Variants in DGKG observed in about 807,000 individuals in gnomAD.
DGKG encodes the protein DAG kinase gamma.
In DGKG, 78 loss-of-function variants were observed where a neutral mutation model predicts 105.3. The ratio of observed to expected loss-of-function variants is 0.74; its 90% CI spans 0.62 to 0.89. The LOEUF (loss-of-function observed/expected upper bound fraction) is 0.89, where lower values mean the gene tolerates loss of function less well. Ranked by LOEUF, DGKG falls within the 40% of genes least tolerant of loss-of-function variation. DGKG has a pLI of 0.00. For missense variants in DGKG, 958 were observed against 1,020.1 expected, an observed-to-expected ratio of 0.94 and a Z score of 0.83; for synonymous variants, 346 against 367.1, an observed-to-expected ratio of 0.94 and a Z score of 0.66.
intron 1 of DGKG, among the ~76,000 whole-genome samples, chr3:186,355,266 A>ACCG (rs1726873823): frequency 7.2e-6 from 1 of 138,636 alleles, no homozygotes; most frequent in Non-Finnish European, 1.6e-5. Context: ...CACCAACACC[A>ACCG]CTACCACCAG....
chr3:186,149,911 A>G lies in DGKG; in HGVS notation c.*179T>C. The G allele has an allele frequency of 7.1e-7, 1 of 1,415,108 alleles. No individual in the cohort carries two copies. Among genetic ancestry groups the G allele is most frequent in the Non-Finnish European group, 9.2e-7 (1 of 1,089,922 alleles). The allele number at this position is 1,415,108 out of a possible 1,614,324, so 87.7% of individuals were successfully genotyped here. ...TGTTAGGGGTGTACCCACTGTTGAAACAGAATGTATGGCAAGGTGACGTTT... is the reference window on the plus strand; with the variant it reads ...TGTTAGGGGTGTACCCACTGTTGAAGCAGAATGTATGGCAAGGTGACGTTT... On this transcript the variant is annotated 3_prime_UTR_variant, in exon 25 of 25. Coordinates refer to ENST00000265022, the MANE Select transcript of DGKG (RefSeq NM_001346.3).
Position 186,306,748 on chromosome 3 carries a change from C to T in DGKG, c.144+153G>A, listed in dbSNP as rs113422505. On this transcript the variant is annotated intron_variant, in intron 3 of 24. Coordinates refer to ENST00000265022, the MANE Select transcript of DGKG (RefSeq NM_001346.3). ...GTATGGGCTTGGGAAACATATAATG[C>T]CAGGTAGCACAAATGGCTCACTTGA... 2.0e-3 allele frequency: 1,248 copies of T among 612,926 alleles called. 15 individuals carry two copies. The highest frequency in any genetic ancestry group is 0.02 in the African/African-American group (1,083 of 54,034). The allele number at this position is 612,926 out of a possible 1,614,324, so 38.0% of individuals were successfully genotyped here.
intron 20 of DGKG, among the ~76,000 whole-genome samples, chr3:186,223,011 C>CTATATATA (rs55753193): frequency 0.054 from 4,320 of 80,414 alleles, 555 homozygotes; most frequent in African/African-American, 0.078. Context: ...TGTATGTATA[C>CTATATATA]TATATATATA....
chr3:186,348,043 G>A (rs1284213271), intron 1 of DGKG, among the ~76,000 whole-genome samples: 1 of 152,130 alleles, frequency 6.6e-6, no homozygotes, highest in Non-Finnish European at 1.5e-5. Flanking sequence ...AATATTCAAT[G>A]TTTCCCACAG....
intron 20 of DGKG, among the ~76,000 whole-genome samples, chr3:186,222,026 C>G (rs531305718): frequency 2.0e-5 from 3 of 152,166 alleles, no homozygotes; most frequent in Admixed American, 6.5e-5. Context: ...ACGTCTACCC[C>G]CTGCGGTAGG....
chr3:186,272,265 C>G lies in DGKG; in HGVS notation c.989G>C (p.Arg330Thr). 6.2e-7 allele frequency: 1 copy of G among 1,613,542 alleles called. No individual in the cohort carries two copies. Among genetic ancestry groups the G allele is most frequent in the Non-Finnish European group, 8.5e-7 (1 of 1,179,476 alleles). The change falls in exon 11 of 25, where the codon AGG (arginine) becomes ACG (threonine). Residue 330 changes from arginine (R) to threonine (T), a missense_variant. Arg to Thr is a moderately conservative substitution (Grantham distance 71). Coordinates refer to ENST00000265022, the MANE Select transcript of DGKG (RefSeq NM_001346.3). ...GCVKTYSKAK[R>T]SGEVMQHAWV... Reference sequence around the variant, plus strand: ...GTAGATGTCACCAACCTCACCACTCCTTTTGGCTTTTGAGTACGTTTTGAC... The same window carrying G: ...GTAGATGTCACCAACCTCACCACTCGTTTTGGCTTTTGAGTACGTTTTGAC...
chr3:186,289,869 C>A (rs978339051), intron 5 of DGKG, among the ~76,000 whole-genome samples: 1 of 152,096 alleles, frequency 6.6e-6, no homozygotes, highest in African/African-American at 2.4e-5. Context: ...ACTCTTCATT[C>A]GGAGAAACAA....
chr3:186,301,567 C>A (rs1437969531), intron 3 of DGKG, among the ~76,000 whole-genome samples: 1 of 152,198 alleles, frequency 6.6e-6, no homozygotes, highest in Non-Finnish European at 1.5e-5. Flanking sequence ...GCGGAGCTTG[C>A]AGTGAGCCGA....
intron 20 of DGKG, among the ~76,000 whole-genome samples, chr3:186,217,181 T>G (rs1719335147): frequency 6.6e-6 from 1 of 152,198 alleles, no homozygotes; most frequent in South Asian, 2.1e-4. Flanking sequence ...TGGCCCATAT[T>G]TTTTGAAGAA....
chr3:186,186,912 G>A (rs1426033078), intron 22 of DGKG, among the ~76,000 whole-genome samples: 1 of 152,232 alleles, frequency 6.6e-6, no homozygotes, highest in Non-Finnish European at 1.5e-5. Context: ...AGTTAAAAGT[G>A]GAAGGCCCAG....
At chr3:186,258,952 G>C (rs1044598898) in intron 16 of DGKG, among the ~76,000 whole-genome samples, 11 of 152,104 alleles carry the variant, frequency 7.2e-5, no homozygotes, top group Non-Finnish European at 4.4e-5. Context: ...TGTGCCCTGC[G>C]GACACCTTGG....
At chr3:186,252,856 A>G (rs1050693163) in intron 18 of DGKG, among the ~76,000 whole-genome samples, 7 of 152,206 alleles carry the variant, frequency 4.6e-5, no homozygotes, top group African/African-American at 1.7e-4. Flanking sequence ...TCAGGATGAT[A>G]GTAAACTCGG....
At chr3:186,196,944 A>G (rs1036143889) in intron 21 of DGKG, among the ~76,000 whole-genome samples, 1 of 152,232 alleles carries the variant, frequency 6.6e-6, no homozygotes, top group Admixed American at 6.5e-5. Context: ...GGATAATGTG[A>G]TTGAGGAAAA....
At chr3:186,338,941 ATTCT>A (rs1725959823) in intron 1 of DGKG, among the ~76,000 whole-genome samples, 1 of 152,190 alleles carries the variant, frequency 6.6e-6, no homozygotes, top group Non-Finnish European at 1.5e-5. Context: ...ATGTCTTTTC[ATTCT>A]TTATGAGTAT....
chr3:186,180,725 C>G (rs1717320387), intron 22 of DGKG, among the ~76,000 whole-genome samples: 1 of 152,200 alleles, frequency 6.6e-6, no homozygotes, highest in South Asian at 2.1e-4. Context: ...CCATGAGAAA[C>G]AGTGAACTCG....
At chr3:186,265,123 T>A in intron 14 of DGKG, 124 bp downstream of exon 14, 1 of 857,478 alleles carries the variant, frequency 1.2e-6, no homozygotes, top group Non-Finnish European at 1.9e-6. Context: ...TCCTGGGTGG[T>A]ATAATTAGTC....
At chr3:186,267,798 G>C (rs1171290648) in intron 12 of DGKG, 21 bp from the exon 13 acceptor site, 5 of 1,607,446 alleles carry the variant, frequency 3.1e-6, no homozygotes, top group Admixed American at 3.3e-5. Context: ...AAATGAAAAA[G>C]AGAGTGAGTG....
chr3:186,203,305 A>C lies in DGKG; in HGVS notation c.1917+8490T>G, dbSNP rs537164645. Among the ~76,000 whole-genome samples the C allele has an allele frequency of 6.6e-6, 1 of 152,366 alleles. No individual in the cohort carries two copies. The highest frequency in any genetic ancestry group is 6.5e-5 in the Admixed American group (1 of 15,298). ...ATCACAGAGGTCCTCAGGAGGCCTG[A>C]TGATAAAGAAACAAGGGCTAACATT... On this transcript the variant is annotated intron_variant, in intron 21 of 24. Coordinates refer to ENST00000265022, the MANE Select transcript of DGKG (RefSeq NM_001346.3). The surrounding 1 kb of genome is among the most constrained non-coding windows in gnomAD (Gnocchi z 4.9).
At chr3:186,158,918 C>T (rs1716159390) in intron 24 of DGKG, 1 of 787,810 alleles carries the variant, frequency 1.3e-6, no homozygotes, top group African/African-American at 1.9e-5. Flanking sequence ...GTTAGTTTGC[C>T]TAAAATTAGC....
Sources: gnomAD v4.1 joint callset for allele counts (sites outside exome capture counted in the v4.1 genomes callset) on GRCh38, gnomAD v4.1.1 for gene constraint, Gnocchi (gnomAD v3.1) non-coding constraint, MANE v1.5 for transcripts, NCBI Gene and HGNC (gene_info 2026-07-23, HGNC 2026-07-21) for gene names.